The following ZNF385B variants were observed in gnomAD, a reference collection of about 807,000 sequenced individuals.
The protein encoded by ZNF385B is zinc finger protein 385B.
In ZNF385B, 23 loss-of-function variants were observed where a neutral mutation model predicts 39.2. That is an observed-to-expected ratio of 0.59 (90% CI 0.42 to 0.83). The LOEUF (loss-of-function observed/expected upper bound fraction) is 0.83, where lower values mean the gene tolerates loss of function less well. ZNF385B is among the 40% of genes least tolerant of loss of function. The pLI, the probability that ZNF385B is intolerant of heterozygous loss-of-function variation, is 0.00. For synonymous variants in ZNF385B, 205 were observed against 222.6 expected (o/e 0.92, Z 0.70); for missense variants, 552 against 598.9 (o/e 0.92, Z 0.82).
intron 5 of ZNF385B, among the ~76,000 whole-genome samples, chr2:179,498,810 GA>G (rs2056489715): frequency 6.6e-6 from 1 of 150,906 alleles, no homozygotes; most frequent in South Asian, 2.1e-4. Flanking sequence ...ACATTTTGTA[GA>G]AAAAAAGAAT....
At chr2:179,591,662 G>A (rs13001067) in intron 3 of ZNF385B, among the ~76,000 whole-genome samples, 23,823 of 152,050 alleles carry the variant, frequency 0.16, 2,234 homozygotes, top group African/African-American at 0.24. Flanking sequence ...TAAAGCCACT[G>A]AACTTTCTCT....
At chr2:179,722,850 C>T (rs543060898) in intron 3 of ZNF385B, among the ~76,000 whole-genome samples, 65 of 152,102 alleles carry the variant, frequency 4.3e-4, no homozygotes, top group African/African-American at 1.5e-3. Context: ...TATATGACTA[C>T]TACAAATAAT....
intron 3 of ZNF385B, among the ~76,000 whole-genome samples, chr2:179,696,155 C>T (rs541811525): frequency 4.4e-4 from 67 of 151,962 alleles, no homozygotes; most frequent in African/African-American, 1.6e-3. Context: ...GTCAAGGGTA[C>T]AGGGTTTCTT....
chr2:179,473,448 A>C (rs530763107), intron 6 of ZNF385B, among the ~76,000 whole-genome samples: 1 of 152,300 alleles, frequency 6.6e-6, no homozygotes, highest in South Asian at 2.1e-4. Context: ...CATGACAGGC[A>C]TTGAGCCAGG....
chr2:179,852,906 T>C (rs1383413), intron 1 of ZNF385B, among the ~76,000 whole-genome samples: 76,972 of 151,998 alleles, frequency 0.51, 20,752 homozygotes, highest in East Asian at 0.84. Flanking sequence ...AGAACCAGCT[T>C]GATGACCACA....
intron 3 of ZNF385B, among the ~76,000 whole-genome samples, chr2:179,707,031 A>T (rs58143036): frequency 0.2 from 29,863 of 152,054 alleles, 3,518 homozygotes; most frequent in East Asian, 0.5. Context: ...GGGAGAAAAG[A>T]GAGGGGTGAG....
intron 6 of ZNF385B, among the ~76,000 whole-genome samples, chr2:179,462,913 G>T (rs905667917): frequency 1.3e-5 from 2 of 152,096 alleles, no homozygotes; most frequent in Non-Finnish European, 2.9e-5. Context: ...GTGTGTGTGT[G>T]TGTGTTTGTG....
At chr2:179,522,821 A>G in intron 4 of ZNF385B, 1 of 381,914 alleles carries the variant, frequency 2.6e-6, no homozygotes, top group Admixed American at 3.8e-5. Flanking sequence ...ATAATACTAA[A>G]GATGCTTTTT....
intron 1 of ZNF385B, among the ~76,000 whole-genome samples, chr2:179,838,873 C>T (rs1046189357): frequency 4.7e-4 from 70 of 147,966 alleles, no homozygotes; most frequent in African/African-American, 1.7e-3. Flanking sequence ...AAAATATGAA[C>T]CAATAATAAT....
chr2:179,583,940 C>A (rs1686811707), intron 3 of ZNF385B: 1 of 1,304,060 alleles, frequency 7.7e-7, no homozygotes, highest in Non-Finnish European at 1.0e-6. Flanking sequence ...AACCATCCAT[C>A]AACATACCCA....
At chr2:179,816,401 C>T (rs1215043155) in intron 1 of ZNF385B, among the ~76,000 whole-genome samples, 1 of 152,210 alleles carries the variant, frequency 6.6e-6, no homozygotes, top group Admixed American at 6.5e-5. Flanking sequence ...GCAATCTGTT[C>T]TCCCCATTGT....
intron 3 of ZNF385B, among the ~76,000 whole-genome samples, chr2:179,561,998 T>A (rs953854352): frequency 6.6e-6 from 1 of 152,164 alleles, no homozygotes; most frequent in South Asian, 2.1e-4. Context: ...ACATTTATAA[T>A]CAACAGCTTA....
intron 3 of ZNF385B, among the ~76,000 whole-genome samples, chr2:179,621,911 T>G (rs974294162): frequency 5.9e-5 from 9 of 152,130 alleles, no homozygotes; most frequent in African/African-American, 2.2e-4. Flanking sequence ...TACCTTCAAT[T>G]TGACAACATG....
intron 5 of ZNF385B, among the ~76,000 whole-genome samples, chr2:179,503,887 T>TC: frequency 6.6e-6 from 1 of 151,410 alleles, no homozygotes; most frequent in Middle Eastern, 3.4e-3. Flanking sequence ...TCTTTTTTTT[T>TC]TTTTATACTT....
At position 179,493,463 on chromosome 2, in the gene ZNF385B, A is replaced by C. The variant is rs186974004; in HGVS notation, c.553-10029T>G. On this transcript the variant is annotated intron_variant, in intron 5 of 9. Transcript: ENST00000410066. ...TATATGCATGTGTACATGTGTGTAC[A>C]TATATGCATGTGTACACATATGTAT... is the stretch of plus-strand genomic sequence containing the variant. 5.6e-4 allele frequency among the ~76,000 whole-genome samples: 83 copies of C among 147,114 alleles called. 1 individual carries two copies. In the East Asian group the frequency reaches 0.016, roughly 28 times the overall value.
intron 1 of ZNF385B, among the ~76,000 whole-genome samples, chr2:179,807,038 G>A (rs1706395712): frequency 6.6e-6 from 1 of 152,168 alleles, no homozygotes; most frequent in Admixed American, 6.5e-5. Context: ...TATTCTTAAT[G>A]ACAGAGCAGT....
chr2:179,756,340 A>G (rs356417), intron 3 of ZNF385B, among the ~76,000 whole-genome samples: 127,541 of 152,184 alleles, frequency 0.84, 53,558 homozygotes, highest in East Asian at 0.99. Context: ...AGTTTCTGCC[A>G]AGAGATCCGC....
intron 6 of ZNF385B, among the ~76,000 whole-genome samples, chr2:179,450,980 C>G (rs1489590502): frequency 6.6e-6 from 1 of 151,298 alleles, no homozygotes; most frequent in African/African-American, 2.4e-5. Flanking sequence ...AACCATCATT[C>G]TCAGCAAACT....
intron 3 of ZNF385B, among the ~76,000 whole-genome samples, chr2:179,739,257 TC>T (rs1701945822): frequency 6.6e-6 from 1 of 152,234 alleles, no homozygotes; most frequent in African/African-American, 2.4e-5. Context: ...TTGCATCCAC[TC>T]CATTTTAAAA....
Sources: gnomAD v4.1 joint callset for allele counts (sites outside exome capture counted in the v4.1 genomes callset) on GRCh38, gnomAD v4.1.1 for gene constraint, MANE v1.5 for transcripts, NCBI Gene and HGNC (gene_info 2026-07-23, HGNC 2026-07-21) for gene names.